The following DCP2 variants were observed in gnomAD, a reference collection of about 807,000 sequenced individuals.
The protein encoded by DCP2 is decapping mRNA 2, also known as m7GpppN-mRNA hydrolase.
Under a neutral mutation model 56.1 loss-of-function variants are expected in DCP2, and 30 were observed. The observed-to-expected ratio is 0.53, with a 90% confidence interval of 0.40 to 0.73. The LOEUF is 0.73. Ranked by LOEUF, DCP2 falls within the 30% of genes least tolerant of loss-of-function variation. DCP2 has a pLI of 0.00. For synonymous variants in DCP2, 197 were observed against 163.3 expected (o/e 1.21, Z -1.57); for missense variants, 533 against 502.7 (o/e 1.06, Z -0.58).
chr5:113,000,582 T>C lies in DCP2; in HGVS notation c.433-502T>C, dbSNP rs550115177. On this transcript the variant is annotated intron_variant, in intron 4 of 10. Coordinates refer to ENST00000389063, the MANE Select transcript of DCP2 (RefSeq NM_152624.6). The stretch of plus-strand genomic sequence containing the variant: ...AGATTAATTTATTAATCAAAAACAT[T>C]ATTAAGCTCTATCTCAAGCAGTAGA... Among the ~76,000 whole-genome samples, 4 of 152,300 alleles carry C rather than the reference T, an allele frequency of 2.6e-5. No homozygotes were observed. The South Asian group carries it at 8.3e-4, about 32-fold the overall frequency.
intron 10 of DCP2, among the ~76,000 whole-genome samples, chr5:113,012,465 G>A (rs1749716065): frequency 6.6e-6 from 1 of 152,046 alleles, no homozygotes; most frequent in Non-Finnish European, 1.5e-5. Flanking sequence ...TCATGTCCTG[G>A]GAAGCCTCAT....
At chr5:113,003,899 G>C in intron 7 of DCP2, 43 bp from the exon 8 acceptor site, 1 of 1,607,942 alleles carries the variant, frequency 6.2e-7, no homozygotes, top group African/African-American at 1.3e-5. Flanking sequence ...AGAACTATAA[G>C]TGAACATTTT....
rs571543062 is a variant in DCP2, at chr5:113,021,797, A to G, written c.*8313A>G. ...GCTGCTTGCCATCTTGTTGTCCTAT[A>G]TGACTTCCTTGCATTTCCAGTCCTT... On this transcript the variant is annotated 3_prime_UTR_variant, in exon 11 of 11. Coordinates refer to ENST00000389063, the MANE Select transcript of DCP2 (RefSeq NM_152624.6). Among the ~76,000 whole-genome samples the G allele has an allele frequency of 1.3e-5, 2 of 152,232 alleles. No individual in the cohort carries two copies. Among genetic ancestry groups the G allele is most frequent in the South Asian group, 2.1e-4 (1 of 4,832 alleles).
At chr5:113,003,882 TG>T (rs1749295208) in intron 7 of DCP2, 59 bp from the exon 8 acceptor site, 5 of 1,550,566 alleles carry the variant, frequency 3.2e-6, no homozygotes, top group Non-Finnish European at 4.4e-6. Flanking sequence ...ACTATTAAGG[TG>T]TTAAAAGAAC....
chr5:112,980,867 C>T (rs1034934566), intron 1 of DCP2, among the ~76,000 whole-genome samples: 11 of 151,880 alleles, frequency 7.2e-5, no homozygotes, highest in African/African-American at 2.7e-4. Context: ...GTGCCAGTTT[C>T]TTGTTTTATC....
At position 112,990,370 on chromosome 5, in the gene DCP2, C is replaced by T. The variant is rs572782202; in HGVS notation, c.206-1751C>T. 2.0e-5 allele frequency among the ~76,000 whole-genome samples: 3 copies of T among 152,262 alleles called. No individual in the cohort carries two copies. In the South Asian group the frequency reaches 6.2e-4, roughly 32 times the overall value. On this transcript the variant is annotated intron_variant, in intron 2 of 10. Coordinates refer to ENST00000389063, the MANE Select transcript of DCP2 (RefSeq NM_152624.6). ...TTGATTTTTTTTCCTTCAGTAAGCA[C>T]TCAGCAACGTGGATACAGACAAGAG...
Position 113,013,616 on chromosome 5 carries a change from GT to G in DCP2, c.*135del. ...GGCAATGTTTCTGAAGACATTTTCT[GT>G]TTATAAGAGAGTAGAAAGAAACACG... On this transcript the variant is annotated 3_prime_UTR_variant, in exon 11 of 11. Coordinates refer to ENST00000389063, the MANE Select transcript of DCP2 (RefSeq NM_152624.6). The G allele has an allele frequency of 9.2e-7, 1 of 1,086,600 alleles. No homozygotes were observed. The highest frequency in any genetic ancestry group is 1.3e-6 in the Non-Finnish European group (1 of 759,392). The allele number at this position is 1,086,600 out of a possible 1,614,324, so 67.3% of individuals were successfully genotyped here.
intron 8 of DCP2, among the ~76,000 whole-genome samples, chr5:113,006,480 C>G (rs535474525): frequency 1.6e-4 from 25 of 152,250 alleles, no homozygotes; most frequent in African/African-American, 5.5e-4. Flanking sequence ...TGGAATGAAA[C>G]TAAATTAAAA....
intron 10 of DCP2, among the ~76,000 whole-genome samples, chr5:113,011,251 A>G (rs1209492507): frequency 6.6e-6 from 1 of 152,150 alleles, no homozygotes; most frequent in Non-Finnish European, 1.5e-5. Flanking sequence ...CTTTTTTCCA[A>G]TTAAAAGGAA....
rs995033668 is a variant in DCP2 at position 112,992,174 on chromosome 5, T to C, written c.259T>C (p.Leu87=). Residue 87 remains leucine, a synonymous_variant, in exon 3 of 11, where the codon TTG becomes CTG. Coordinates refer to ENST00000389063, the MANE Select transcript of DCP2 (RefSeq NM_152624.6). Reference sequence around the variant, plus strand: ...TCAAGGTGAAGATGTGGAAAAAGTTTTGGATGAATGGAAGGAATATAAAAT... The same window carrying C: ...TCAAGGTGAAGATGTGGAAAAAGTTCTGGATGAATGGAAGGAATATAAAAT... ...LPQGEDVEKV[L]DEWKEYKMGV... 3.1e-6 allele frequency: 5 copies of C among 1,614,038 alleles called. No individual in the cohort carries two copies. The highest frequency in any genetic ancestry group is 4.2e-6 in the Non-Finnish European group (5 of 1,179,986).
chr5:113,014,447 T>C lies in DCP2; in HGVS notation c.*963T>C, dbSNP rs1272087818. 1 of 152,458 alleles carries C rather than the reference T, an allele frequency of 6.6e-6. No individual in the cohort carries two copies. Among genetic ancestry groups the C allele is most frequent in the Non-Finnish European group, 1.5e-5 (1 of 68,030 alleles). The allele number at this position is 152,458 out of a possible 1,614,324, so 9.4% of individuals were successfully genotyped here. A position where few individuals can be genotyped will look rare whatever the true frequency, so the allele number is the denominator to read the frequency against. On this transcript the variant is annotated 3_prime_UTR_variant, in exon 11 of 11. Transcript: ENST00000389063. ...AGTAGCAGAGACTGACATGCTTTTA[T>C]TGACCTGCTAAGCCCCTGGATGATG... is the stretch of plus-strand genomic sequence containing the variant.
intron 4 of DCP2, among the ~76,000 whole-genome samples, 194 bp from the exon 5 acceptor site, chr5:113,000,890 A>G (rs1049235199): frequency 6.6e-6 from 1 of 152,204 alleles, no homozygotes; most frequent in African/African-American, 2.4e-5. Flanking sequence ...ACCTGTGGAT[A>G]CAGTATTAGA....
Position 112,985,834 on chromosome 5 carries a change from G to C in DCP2, c.54-1G>C. 6.3e-7 allele frequency: 1 copy of C among 1,593,552 alleles called. No individual in the cohort carries two copies. The highest frequency in any genetic ancestry group is 8.6e-7 in the Non-Finnish European group (1 of 1,162,718). On this transcript the variant is annotated splice_acceptor_variant, in intron 1 of 10. Coordinates refer to ENST00000389063, the MANE Select transcript of DCP2 (RefSeq NM_152624.6). LOFTEE classifies it high-confidence loss of function. ...TTTTGTATGTGTTTTGTTTTTGACAGCCGATTTATTTTGCATATTCCCAGC... is the reference window on the plus strand; with the variant it reads ...TTTTGTATGTGTTTTGTTTTTGACACCCGATTTATTTTGCATATTCCCAGC...
At chr5:112,988,349 G>A (rs866417249) in intron 2 of DCP2, among the ~76,000 whole-genome samples, 1 of 151,262 alleles carries the variant, frequency 6.6e-6, no homozygotes. Context: ...AAAATTAGCT[G>A]GGCGTGGTGG....
chr5:112,980,761 C>T (rs1209650366), intron 1 of DCP2, among the ~76,000 whole-genome samples: 2 of 152,108 alleles, frequency 1.3e-5, no homozygotes, highest in African/African-American at 4.8e-5. Flanking sequence ...GTCTTAGTTT[C>T]TTTCCCTACC....
intron 8 of DCP2, 28 bp downstream of exon 8, chr5:113,004,105 C>G: frequency 6.3e-7 from 1 of 1,596,440 alleles, no homozygotes; most frequent in Non-Finnish European, 8.5e-7. Flanking sequence ...ACAGTCTTTT[C>G]AGAAATTTAG....
chr5:113,000,201 T>C (rs926426619), intron 4 of DCP2, among the ~76,000 whole-genome samples: 1 of 152,056 alleles, frequency 6.6e-6, no homozygotes, highest in African/African-American at 2.4e-5. Flanking sequence ...CAAGTGATCC[T>C]CCCTCTTTGG....
rs1248232560 is a variant in DCP2 at position 113,016,059 on chromosome 5, A to C, written c.*2575A>C. 6.5e-6 allele frequency: 1 copy of C among 152,686 alleles called. No homozygotes were observed. The highest frequency in any genetic ancestry group is 1.5e-5 in the Non-Finnish European group (1 of 68,042). The allele number at this position is 152,686 out of a possible 1,614,324, so 9.5% of individuals were successfully genotyped here. ...TTACGTTCCAACCTTATATGTTCCA[A>C]GGTGCAGTGCACTGTGAATCTTTTA... is the stretch of plus-strand genomic sequence containing the variant. On this transcript the variant is annotated 3_prime_UTR_variant, in exon 11 of 11. Transcript: ENST00000389063.
chr5:112,980,914 C>G (rs539235332), intron 1 of DCP2, among the ~76,000 whole-genome samples: 1 of 151,908 alleles, frequency 6.6e-6, no homozygotes, highest in Non-Finnish European at 1.5e-5. Context: ...GGTTCAATTT[C>G]GTAGATACTA....
Sources: gnomAD v4.1 joint callset for allele counts (sites outside exome capture counted in the v4.1 genomes callset) on GRCh38, gnomAD v4.1.1 for gene constraint, MANE v1.5 for transcripts, NCBI Gene and HGNC (gene_info 2026-07-23, HGNC 2026-07-21) for gene names.